The following PLCL2 variants were observed in gnomAD, a reference collection of about 807,000 sequenced individuals.
The protein encoded by PLCL2 is phospholipase C like 2, also known as inactive phospholipase C-like protein 2.
In PLCL2, 4 loss-of-function variants were observed where a neutral mutation model predicts 79.6. That is an observed-to-expected ratio of 0.05 (90% confidence interval 0.02 to 0.11). The LOEUF (loss-of-function observed/expected upper bound fraction) is 0.11, where lower values mean the gene tolerates loss of function less well. Ranked by LOEUF, PLCL2 falls within the 10% of genes least tolerant of loss-of-function variation. The probability of loss-of-function intolerance (pLI) is 1.00; values close to 1 mark genes in which losing one functional copy is unlikely to be tolerated. For synonymous variants in PLCL2, 484 were observed against 457.7 expected (o/e 1.06, Z -0.73); for missense variants, 895 against 1,291.0 (o/e 0.69, Z 4.70).
At position 16,927,352 on chromosome 3, in the gene PLCL2, C is replaced by CA. The variant is rs11420130; in HGVS notation, c.327+41995dup. Among the ~76,000 whole-genome samples, 932 of 149,280 alleles carry CA rather than the reference C, an allele frequency of 6.2e-3. 15 individuals carry two copies. Among genetic ancestry groups the CA allele is most frequent in the African/African-American group, 0.021 (849 of 40,654 alleles). On this transcript the variant is annotated intron_variant, in intron 1 of 5. Coordinates refer to ENST00000615277, the MANE Select transcript of PLCL2 (RefSeq NM_001144382.2). Reference sequence around the variant, plus strand: ...TAAATAAAAGATTGATAATAAAATACAAAAAAAAATGAAATAAACAATAGA... The same window carrying CA: ...TAAATAAAAGATTGATAATAAAATACAAAAAAAAAATGAAATAAACAATAGA...
chr3:16,935,081 G>A lies in PLCL2; in HGVS notation c.327+49715G>A, dbSNP rs115105938. 7.7e-3 allele frequency among the ~76,000 whole-genome samples: 1,175 copies of A among 152,194 alleles called. 14 individuals are homozygous for A. The highest frequency in any genetic ancestry group is 0.027 in the African/African-American group (1,121 of 41,522). ...AGCTTCAGCCTCACTGAGTATTATC[G>A]CTTTGAATTGACACCAATCTGATAG... On this transcript the variant is annotated intron_variant, in intron 1 of 5. Transcript: ENST00000615277.
chr3:16,889,075 C>T (rs1439166749), intron 1 of PLCL2, among the ~76,000 whole-genome samples: 2 of 152,140 alleles, frequency 1.3e-5, no homozygotes, highest in Non-Finnish European at 1.5e-5. Context: ...GTAGGAAATT[C>T]GGCCATTACC....
chr3:17,011,795 T>C lies in PLCL2; in HGVS notation c.2449T>C (p.Phe817Leu). ...DAPIFDESFE[F>L]QINLPELAMV... is the part of the protein sequence containing the mutation. ...TCCCATTTTTGATGAAAGCTTTGAA[T>C]TTCAAATCAACCTGCCTGAACTGGC... The change falls in exon 2 of 6, where the codon TTT becomes CTT. Residue 817 changes from phenylalanine (F) to leucine (L), a missense_variant. By Grantham distance (22) the Phe-to-Leu change is conservative. Coordinates refer to ENST00000615277, the MANE Select transcript of PLCL2 (RefSeq NM_001144382.2). This position sits in a 1 kb window ranked among gnomAD's most constrained non-coding sequence, Gnocchi z 7.9. 6.2e-7 allele frequency: 1 copy of C among 1,614,234 alleles called. No individual in the cohort carries two copies.
chr3:16,959,600 C>T (rs937522215), intron 1 of PLCL2, among the ~76,000 whole-genome samples: 2 of 152,118 alleles, frequency 1.3e-5, no homozygotes, highest in African/African-American at 4.8e-5. Context: ...ACCTTCCCTC[C>T]TGTCCATGCT....
At chr3:16,973,260 C>T (rs973530485) in intron 1 of PLCL2, among the ~76,000 whole-genome samples, 3 of 151,982 alleles carry the variant, frequency 2.0e-5, no homozygotes, top group Non-Finnish European at 2.9e-5. Context: ...GGCTCTGCCA[C>T]GAAATTATTG....
At chr3:16,956,980 G>T (rs1171780623) in intron 1 of PLCL2, among the ~76,000 whole-genome samples, 4 of 152,102 alleles carry the variant, frequency 2.6e-5, no homozygotes, top group Non-Finnish European at 5.9e-5. Flanking sequence ...CAAAAAACCA[G>T]CTCCTGGATT....
intron 4 of PLCL2, among the ~76,000 whole-genome samples, chr3:17,046,177 G>C (rs1368479588): frequency 6.6e-6 from 1 of 152,210 alleles, no homozygotes; most frequent in Non-Finnish European, 1.5e-5. Flanking sequence ...TCAAGTAGGA[G>C]ATTGGTAAGG....
intron 1 of PLCL2, among the ~76,000 whole-genome samples, chr3:16,992,542 G>A (rs2064115147): frequency 1.3e-5 from 2 of 152,256 alleles, no homozygotes; most frequent in Non-Finnish European, 2.9e-5. Flanking sequence ...AGAGGCAAGA[G>A]CTGAGATTGG....
intron 1 of PLCL2, among the ~76,000 whole-genome samples, chr3:16,900,656 T>A (rs1696596136): frequency 6.6e-6 from 1 of 152,226 alleles, no homozygotes; most frequent in Non-Finnish European, 1.5e-5. Context: ...TGCATAGCTC[T>A]TTCATCCCTG....
chr3:17,033,335 T>C (rs1179274937), intron 3 of PLCL2, among the ~76,000 whole-genome samples: 2 of 152,162 alleles, frequency 1.3e-5, no homozygotes, highest in African/African-American at 4.8e-5. Context: ...CAGGCAGACT[T>C]ATATGACGCC....
At chr3:17,025,557 A>C (rs748864488) in intron 3 of PLCL2, among the ~76,000 whole-genome samples, 23 of 152,230 alleles carry the variant, frequency 1.5e-4, no homozygotes, top group Non-Finnish European at 2.4e-4. Flanking sequence ...AGCTATTGAA[A>C]TAACCAGTTT....
At chr3:17,079,881 T>C (rs558221981) in intron 5 of PLCL2, among the ~76,000 whole-genome samples, 68 of 152,216 alleles carry the variant, frequency 4.5e-4, no homozygotes, top group African/African-American at 1.6e-3. Flanking sequence ...GAAAGTCAGA[T>C]CCATGCAGCC....
rs779277898 is a variant in PLCL2, at chr3:17,010,814, A to G, written c.1468A>G (p.Met490Val). 6.2e-7 allele frequency: 1 copy of G among 1,614,184 alleles called. No individual in the cohort carries two copies. Among genetic ancestry groups the G allele is most frequent in the Admixed American group, 1.7e-5 (1 of 60,020 alleles). ...ACCTGTAATTTACACAGGCCACACC[A>G]TGACCTCTCAGATAGTTTTCCGCAG... Reference protein sequence around the residue: ...NEPVIYTGHTMTSQIVFRSVI... With the variant: ...NEPVIYTGHTVTSQIVFRSVI... The change falls in exon 2 of 6, where the codon ATG (methionine) becomes GTG (valine). Residue 490 changes from methionine to valine, a missense_variant. Coordinates refer to ENST00000615277, the MANE Select transcript of PLCL2 (RefSeq NM_001144382.2). The surrounding 1 kb of genome is among the most constrained non-coding windows in gnomAD (Gnocchi z 5.8).
At chr3:17,024,641 A>T (rs1263806350) in intron 3 of PLCL2, among the ~76,000 whole-genome samples, 3 of 152,218 alleles carry the variant, frequency 2.0e-5, no homozygotes, top group South Asian at 4.1e-4. Flanking sequence ...TTGGCTTTCC[A>T]TGTGTGGTAA....
intron 1 of PLCL2, among the ~76,000 whole-genome samples, chr3:16,896,791 T>C (rs1696490171): frequency 6.6e-6 from 1 of 152,170 alleles, no homozygotes; most frequent in East Asian, 1.9e-4. Flanking sequence ...AATATTCTTT[T>C]GGGTAGGAAA....
intron 1 of PLCL2, among the ~76,000 whole-genome samples, chr3:16,942,475 C>G (rs1356072700): frequency 6.6e-6 from 1 of 152,130 alleles, no homozygotes. Context: ...AGGAGTGCGT[C>G]CTTCCCTCCC....
At position 17,009,759 on chromosome 3, in the gene PLCL2, A is replaced by G; in HGVS notation, c.413A>G (p.Asp138Gly). Residue 138 changes from aspartate to glycine, a missense_variant, in exon 2 of 6, where the codon GAT (aspartate) becomes GGT (glycine). Asp to Gly is a moderately conservative substitution (Grantham distance 94). This residue lies in a region of PLCL2 where 129 missense variants were observed against 208.8 expected (regional missense o/e 0.62). Coordinates refer to ENST00000615277, the MANE Select transcript of PLCL2 (RefSeq NM_001144382.2). This position sits in a 1 kb window ranked among gnomAD's most constrained non-coding sequence, Gnocchi z 4.0. ...GAGAAGAAGATCAGCAGTGCAAGTG[A>G]TTGTATTAATTCAATGGTTGAGGGT... is the stretch of plus-strand genomic sequence containing the variant. ...PTEKKISSASDCINSMVEGSE... is the reference protein window; with the variant it reads ...PTEKKISSASGCINSMVEGSE... 6.2e-7 allele frequency: 1 copy of G among 1,613,778 alleles called. No homozygotes were observed. Among genetic ancestry groups the G allele is most frequent in the Non-Finnish European group, 8.5e-7 (1 of 1,179,690 alleles).
rs1303078625 is a variant in PLCL2 at position 16,887,547 on chromosome 3, A to G, written c.327+2181A>G. Among the ~76,000 whole-genome samples the G allele has an allele frequency of 6.6e-6, 1 of 152,208 alleles. No individual in the cohort carries two copies. The highest frequency in any genetic ancestry group is 1.5e-5 in the Non-Finnish European group (1 of 68,026). Reference sequence around the variant, plus strand: ...TGGAAGTAGTGTTGAAAGTTGATCAATACTGGGTTATAGGAAAGAGAGGAT... The same window carrying G: ...TGGAAGTAGTGTTGAAAGTTGATCAGTACTGGGTTATAGGAAAGAGAGGAT... On this transcript the variant is annotated intron_variant, in intron 1 of 5. Coordinates refer to ENST00000615277, the MANE Select transcript of PLCL2 (RefSeq NM_001144382.2). This position sits in a 1 kb window ranked among gnomAD's most constrained non-coding sequence, Gnocchi z 4.1.
chr3:17,053,120 A>G (rs2064858944), intron 4 of PLCL2, among the ~76,000 whole-genome samples: 1 of 152,180 alleles, frequency 6.6e-6, no homozygotes, highest in Non-Finnish European at 1.5e-5. Context: ...GTACTGCTAT[A>G]AAGAAATAAC....
Sources: allele counts gnomAD v4.1 joint callset (sites outside exome capture counted in the v4.1 genomes callset), GRCh38; gene constraint gnomAD v4.1.1; regional missense constraint gnomAD v4.1.1; non-coding constraint Gnocchi (gnomAD v3.1); transcripts MANE v1.5; gene names NCBI Gene and HGNC (gene_info 2026-07-23, HGNC 2026-07-21).